The following PTPDC1 variants were observed in gnomAD, a reference collection of about 807,000 sequenced individuals.
The protein encoded by PTPDC1 is protein tyrosine phosphatase domain-containing protein 1.
Under a neutral mutation model 75.3 loss-of-function variants are expected in PTPDC1, and 53 were observed. That is an observed-to-expected ratio of 0.70 (90% CI 0.56 to 0.88). The LOEUF (loss-of-function observed/expected upper bound fraction) is 0.88, where lower values mean the gene tolerates loss of function less well. Ranked by LOEUF, PTPDC1 falls within the 40% of genes least tolerant of loss-of-function variation. The pLI is 0.00. For missense variants in PTPDC1, 925 were observed against 998.6 expected (o/e 0.93, Z 0.99); for synonymous variants, 349 against 366.2 (o/e 0.95, Z 0.54).
upstream of PTPDC1, among the ~76,000 whole-genome samples, chr9:94,082,034 C>T (rs974527713): frequency 2.6e-5 from 4 of 151,856 alleles, no homozygotes; most frequent in South Asian, 8.3e-4. Context: ...CCCAGCTACT[C>T]AAGAGGCTGA....
At chr9:94,031,071 G>C (rs533408921) in exon 1 of PTPDC1, 1 of 152,370 alleles carries the variant, frequency 6.6e-6, no homozygotes, top group African/African-American at 2.4e-5. Context: ...TGACACGGAC[G>C]GCGCGTCCTG....
chr9:94,086,442 G>A (rs1405925792), intron 2 of PTPDC1, among the ~76,000 whole-genome samples: 1 of 152,118 alleles, frequency 6.6e-6, no homozygotes, highest in Admixed American at 6.5e-5. Flanking sequence ...TATCACTGGG[G>A]GTCCAAACTT....
intron 1 of PTPDC1, among the ~76,000 whole-genome samples, chr9:94,052,163 A>G (rs573151899): frequency 4.6e-5 from 7 of 152,272 alleles, no homozygotes; most frequent in East Asian, 1.9e-4. Context: ...TGCAAGATAT[A>G]TATATACTTT....
chr9:94,036,551 C>T (rs1825275817), intron 1 of PTPDC1, among the ~76,000 whole-genome samples: 1 of 152,056 alleles, frequency 6.6e-6, no homozygotes, highest in Non-Finnish European at 1.5e-5. Context: ...TAAAACCTAA[C>T]CATTGTGTTC....
At chr9:94,066,930 T>A (rs1415101096) in intron 2 of PTPDC1, among the ~76,000 whole-genome samples, 2 of 151,980 alleles carry the variant, frequency 1.3e-5, no homozygotes, top group Admixed American at 1.3e-4. Context: ...GTATACAGAA[T>A]AAAATAAAGA....
chr9:94,064,867 A>G (rs1826253262), intron 2 of PTPDC1: 1 of 1,420,912 alleles, frequency 7.0e-7, no homozygotes, highest in Non-Finnish European at 9.8e-7. Context: ...GCAAGCTGGC[A>G]TTTAATAAAA....
intron 1 of PTPDC1, 93 bp downstream of exon 1, chr9:94,084,867 C>A: frequency 1.1e-6 from 1 of 889,508 alleles, no homozygotes; most frequent in Admixed American, 2.7e-5. Context: ...TAAATATTGG[C>A]AGTTTATTCT....
At chr9:94,033,589 G>T (rs1005287195) in intron 1 of PTPDC1, among the ~76,000 whole-genome samples, 1 of 152,138 alleles carries the variant, frequency 6.6e-6, no homozygotes, top group Non-Finnish European at 1.5e-5. Context: ...TTAAAATGGG[G>T]ACAGTGCCTC....
At chr9:94,051,519 G>T (rs529434623) in intron 1 of PTPDC1, among the ~76,000 whole-genome samples, 1 of 152,320 alleles carries the variant, frequency 6.6e-6, no homozygotes, top group African/African-American at 2.4e-5. Flanking sequence ...TTCTGGGAGA[G>T]ATTATAGAAT....
At chr9:94,088,310 C>G in intron 4 of PTPDC1, 47 bp downstream of exon 4, 1 of 1,589,334 alleles carries the variant, frequency 6.3e-7, no homozygotes, top group Non-Finnish European at 8.5e-7. Flanking sequence ...GGGCAGCACT[C>G]AGAGGCTTTT....
chr9:94,098,023 A>ATTG lies in PTPDC1; in HGVS notation c.1460_1462dup (p.Cys487dup), dbSNP rs779637721. ...CCCAGGCAGCAGAAGCTCATAAGCC[A>ATTG]TTGTTACATCCCACAGTCTCCAGAA... is the stretch of plus-strand genomic sequence containing the variant. On this transcript the variant is annotated inframe_insertion, in exon 6 of 9. Coordinates refer to ENST00000620992, the MANE Select transcript of PTPDC1 (RefSeq NM_001253829.2). The ATTG allele has an allele frequency of 6.6e-5, 106 of 1,614,078 alleles. No individual in the cohort carries two copies. The highest frequency in any genetic ancestry group is 6.9e-5 in the Non-Finnish European group (81 of 1,180,032).
At chr9:94,059,028 A>G (rs1806751939) in intron 1 of PTPDC1, among the ~76,000 whole-genome samples, 1 of 152,222 alleles carries the variant, frequency 6.6e-6, no homozygotes, top group Non-Finnish European at 1.5e-5. Flanking sequence ...CTATATAAGA[A>G]ACATACTGTC....
intron 1 of PTPDC1, among the ~76,000 whole-genome samples, chr9:94,034,345 A>T (rs1281708283): frequency 2.0e-5 from 3 of 152,188 alleles, no homozygotes; most frequent in Non-Finnish European, 4.4e-5. Flanking sequence ...CAGCCTGGCC[A>T]ACATGGTGAA....
At chr9:94,077,377 T>A (rs142563746) in intron 2 of PTPDC1, among the ~76,000 whole-genome samples, 2 of 152,160 alleles carry the variant, frequency 1.3e-5, no homozygotes, top group African/African-American at 2.4e-5. Context: ...CTAAGTCTTA[T>A]AAGATTGCCT....
chr9:94,052,149 G>A (rs985645034), intron 1 of PTPDC1, among the ~76,000 whole-genome samples: 1 of 151,996 alleles, frequency 6.6e-6, no homozygotes, highest in Non-Finnish European at 1.5e-5. Flanking sequence ...CATTCACATT[G>A]TTGTGCAAGA....
At chr9:94,045,659 T>C (rs1198341735) in intron 1 of PTPDC1, among the ~76,000 whole-genome samples, 1 of 152,230 alleles carries the variant, frequency 6.6e-6, no homozygotes, top group Non-Finnish European at 1.5e-5. Context: ...GAAGTGTCTG[T>C]TCATATCCTT....
chr9:94,076,267 G>A (rs1826685334), intron 2 of PTPDC1, among the ~76,000 whole-genome samples: 1 of 152,170 alleles, frequency 6.6e-6, no homozygotes, highest in African/African-American at 2.4e-5. Context: ...GCCTCCCAAA[G>A]TGCTGGGATT....
Position 94,071,410 on chromosome 9 carries a change from G to A in PTPDC1, c.82+6589G>A, listed in dbSNP as rs778505673. On this transcript the variant is annotated intron_variant, in intron 2 of 9. Transcript: ENST00000375360. ...TAGATACTAGATCTTGCTCTGATAC[G>A]TGGTTTGCAGATACATTCTCCCACT... is the stretch of plus-strand genomic sequence containing the variant. 6.0e-5 allele frequency among the ~76,000 whole-genome samples: 9 copies of A among 151,050 alleles called. No homozygotes were observed. The South Asian group carries it at 8.4e-4, about 14-fold the overall frequency.
chr9:94,093,020 G>A (rs923504701), intron 4 of PTPDC1, among the ~76,000 whole-genome samples: 8 of 151,472 alleles, frequency 5.3e-5, no homozygotes, highest in African/African-American at 1.9e-4. Flanking sequence ...CACACTGATG[G>A]GTCTTGACTC....
Sources: allele counts gnomAD v4.1 joint callset (sites outside exome capture counted in the v4.1 genomes callset), GRCh38; gene constraint gnomAD v4.1.1; transcripts MANE v1.5; gene names NCBI Gene and HGNC (gene_info 2026-07-23, HGNC 2026-07-21).